L3MBTL4: variants seen among roughly 807,000 people sequenced by gnomAD.
The protein encoded by L3MBTL4 is lethal(3)malignant brain tumor-like protein 4.
Under a neutral mutation model 84.5 loss-of-function variants are expected in L3MBTL4, and 70 were observed. The ratio of observed to expected loss-of-function variants is 0.83; its 90% CI spans 0.68 to 1.01. The LOEUF (loss-of-function observed/expected upper bound fraction) is 1.01, where lower values mean the gene tolerates loss of function less well. Among genes scored for constraint, L3MBTL4 ranks in the 50% least tolerant of loss-of-function variants. The pLI is 0.00. For missense variants in L3MBTL4, 715 were observed against 754.8 expected, an observed-to-expected ratio of 0.95 and a Z score of 0.62; for synonymous variants, 274 against 259.8, an observed-to-expected ratio of 1.05 and a Z score of -0.52.
At chr18:6,325,972 G>C (rs536974261) in intron 1 of L3MBTL4, among the ~76,000 whole-genome samples, 1 of 152,272 alleles carries the variant, frequency 6.6e-6, no homozygotes, top group African/African-American at 2.4e-5. Flanking sequence ...TATCTCACCA[G>C]ATCTTTTGTA....
chr18:6,105,507 TA>T (rs2058974705), intron 14 of L3MBTL4, among the ~76,000 whole-genome samples: 1 of 151,300 alleles, frequency 6.6e-6, no homozygotes. Flanking sequence ...TATAAAAGAC[TA>T]TCAGTCTAGG....
chr18:6,327,956 TA>T (rs2051816867), intron 1 of L3MBTL4, among the ~76,000 whole-genome samples: 1 of 152,116 alleles, frequency 6.6e-6, no homozygotes. Flanking sequence ...CTCAGAACCT[TA>T]AAAAACAATG....
intron 16 of L3MBTL4, among the ~76,000 whole-genome samples, chr18:5,998,456 G>C: frequency 6.6e-6 from 1 of 152,172 alleles, no homozygotes; most frequent in East Asian, 1.9e-4. Context: ...TTTTCCTGGA[G>C]GGGCCCTTCA....
At chr18:6,276,877 G>A (rs911892128) in intron 4 of L3MBTL4, among the ~76,000 whole-genome samples, 11 of 151,872 alleles carry the variant, frequency 7.2e-5, no homozygotes, top group African/African-American at 1.2e-4. Flanking sequence ...AGAAAAGAAC[G>A]GAATTGCATC....
At chr18:6,023,327 G>A (rs2055355725) in intron 16 of L3MBTL4, among the ~76,000 whole-genome samples, 1 of 152,174 alleles carries the variant, frequency 6.6e-6, no homozygotes, top group Non-Finnish European at 1.5e-5. Flanking sequence ...GATTCATGAT[G>A]TGGAAAGATA....
chr18:6,277,690 T>C (rs988109559), intron 4 of L3MBTL4, among the ~76,000 whole-genome samples: 7 of 152,194 alleles, frequency 4.6e-5, no homozygotes, highest in African/African-American at 1.4e-4. Context: ...GTTTTCTTCA[T>C]ATAAGGCCCT....
intron 13 of L3MBTL4, among the ~76,000 whole-genome samples, chr18:6,146,423 A>G (rs1426462654): frequency 6.6e-6 from 1 of 152,104 alleles, no homozygotes; most frequent in Non-Finnish European, 1.5e-5. Flanking sequence ...GGCGGCTGAG[A>G]GCGAGGAACT....
intron 16 of L3MBTL4, among the ~76,000 whole-genome samples, chr18:6,068,364 C>G (rs776763463): frequency 6.6e-6 from 1 of 152,052 alleles, no homozygotes; most frequent in Non-Finnish European, 1.5e-5. Flanking sequence ...GGCAGAGGTC[C>G]CAGCCTTGAT....
chr18:6,071,822 A>G (rs1391141124), intron 16 of L3MBTL4, among the ~76,000 whole-genome samples: 1 of 131,034 alleles, frequency 7.6e-6, no homozygotes, highest in Non-Finnish European at 1.5e-5. Flanking sequence ...AAAGGAAAGA[A>G]AGAAAGAAAG....
chr18:6,343,109 C>T (rs1366189755), intron 1 of L3MBTL4, among the ~76,000 whole-genome samples: 2 of 152,102 alleles, frequency 1.3e-5, no homozygotes, highest in Non-Finnish European at 2.9e-5. Context: ...ACTGAAGGGA[C>T]TGAAGGGAGA....
chr18:5,993,099 C>T (rs1383321843), intron 16 of L3MBTL4, among the ~76,000 whole-genome samples: 3 of 152,130 alleles, frequency 2.0e-5, no homozygotes, highest in Non-Finnish European at 2.9e-5. Flanking sequence ...GAAAGGTGGC[C>T]CTGGTGACCT....
intron 14 of L3MBTL4, among the ~76,000 whole-genome samples, chr18:6,126,243 C>T (rs559862876): frequency 2.0e-5 from 3 of 152,090 alleles, no homozygotes; most frequent in South Asian, 2.1e-4. Flanking sequence ...TCTAAATTTT[C>T]GGTATTGACC....
intron 10 of L3MBTL4, among the ~76,000 whole-genome samples, chr18:6,222,441 A>T (rs1030530624): frequency 8.5e-5 from 13 of 152,184 alleles, no homozygotes; most frequent in Admixed American, 7.2e-4. Flanking sequence ...ACCAGAAAAC[A>T]ACCTATCTGT....
At chr18:6,275,135 C>A (rs2049026867) in intron 4 of L3MBTL4, among the ~76,000 whole-genome samples, 1 of 151,958 alleles carries the variant, frequency 6.6e-6, no homozygotes, top group Non-Finnish European at 1.5e-5. Flanking sequence ...GTGCAGGGTA[C>A]TAAAGCAGAG....
At chr18:6,164,971 T>C (rs1415017561) in intron 13 of L3MBTL4, among the ~76,000 whole-genome samples, 1 of 151,978 alleles carries the variant, frequency 6.6e-6, no homozygotes, top group Non-Finnish European at 1.5e-5. Flanking sequence ...ATAATCAACG[T>C]GGAGAAGTCC....
chr18:6,005,312 C>T (rs1237685338), intron 16 of L3MBTL4, among the ~76,000 whole-genome samples: 2 of 151,948 alleles, frequency 1.3e-5, no homozygotes, highest in East Asian at 3.9e-4. Context: ...CACCACTGTA[C>T]TCCAGCCTGG....
intron 4 of L3MBTL4, among the ~76,000 whole-genome samples, chr18:6,285,204 G>T (rs1364075838): frequency 1.3e-5 from 2 of 152,222 alleles, no homozygotes; most frequent in Non-Finnish European, 2.9e-5. Flanking sequence ...GGATGGTGGA[G>T]CCCACGTGGG....
intron 16 of L3MBTL4, among the ~76,000 whole-genome samples, chr18:6,052,291 A>G (rs368865473): frequency 6.6e-6 from 1 of 152,244 alleles, no homozygotes; most frequent in Non-Finnish European, 1.5e-5. Context: ...TCGCATGGAT[A>G]AATACAATTT....
intron 16 of L3MBTL4, among the ~76,000 whole-genome samples, chr18:6,046,991 T>C (rs868007603): frequency 2.0e-5 from 3 of 152,038 alleles, no homozygotes; most frequent in South Asian, 2.1e-4. Context: ...ATAAACAAGA[T>C]TGATAGACAG....
Sources: gnomAD v4.1 joint callset for allele counts (sites outside exome capture counted in the v4.1 genomes callset) on GRCh38, gnomAD v4.1.1 for gene constraint, MANE v1.5 for transcripts, NCBI Gene and HGNC (gene_info 2026-07-23, HGNC 2026-07-21) for gene names.